Variants in FAM20A observed in about 807,000 individuals in gnomAD.
The protein encoded by FAM20A is pseudokinase FAM20A.
Under a neutral mutation model 52.0 loss-of-function variants are expected in FAM20A, and 42 were observed. The observed-to-expected ratio is 0.81, with a 90% confidence interval of 0.63 to 1.04. The LOEUF (loss-of-function observed/expected upper bound fraction) is 1.04. FAM20A is among the 50% of genes least tolerant of loss of function. The pLI, the probability that FAM20A is intolerant of heterozygous loss-of-function variation, is 0.00. For missense variants in FAM20A, 742 were observed against 712.7 expected (o/e 1.04, Z -0.47); for synonymous variants, 304 against 298.9 (o/e 1.02, Z -0.18).
chr17:68,589,053 G>T (rs902415370), intron 1 of FAM20A, among the ~76,000 whole-genome samples: 3 of 152,174 alleles, frequency 2.0e-5, no homozygotes, highest in African/African-American at 7.2e-5. Flanking sequence ...TTTGATTTAT[G>T]TTGGCCAACA....
Position 68,560,339 on chromosome 17 carries a change from A to G in FAM20A, c.405-4596T>C, listed in dbSNP as rs535959095. 3.8e-3 allele frequency among the ~76,000 whole-genome samples: 432 copies of G among 114,324 alleles called. 5 individuals are homozygous for G. The highest frequency in any genetic ancestry group is 0.017 in the African/African-American group (420 of 24,588). 75.0% of individuals were successfully genotyped at this position (114,324 alleles called of 152,430 possible). A position where few individuals can be genotyped will look rare whatever the true frequency, so the allele number is the denominator to read the frequency against. Reference sequence around the variant, plus strand: ...TGGCCTGGCGACAGAGCGAAACTCCATCTCAAAAAAAAAAAAAAAAAGAGA... The same window carrying G: ...TGGCCTGGCGACAGAGCGAAACTCCGTCTCAAAAAAAAAAAAAAAAAGAGA... On this transcript the variant is annotated intron_variant, in intron 1 of 10. Transcript: ENST00000592554.
chr17:68,535,319 A>G lies in FAM20A; in HGVS notation c.*2158T>C. On this transcript the variant is annotated 3_prime_UTR_variant, in exon 11 of 11. Coordinates refer to ENST00000592554, the MANE Select transcript of FAM20A (RefSeq NM_017565.4). ...GTACCACATATCATGGTGAAATTCAAGCCTATTGCTTTCTGTTTGTAGAGT... is the reference window on the plus strand; with the variant it reads ...GTACCACATATCATGGTGAAATTCAGGCCTATTGCTTTCTGTTTGTAGAGT... 1 of 454,144 alleles carries G rather than the reference A, an allele frequency of 2.2e-6. No homozygotes were observed. The allele number at this position is 454,144 out of a possible 1,614,324, so 28.1% of individuals were successfully genotyped here.
At chr17:68,571,721 C>G (rs1252839459) in intron 1 of FAM20A, among the ~76,000 whole-genome samples, 1 of 151,746 alleles carries the variant, frequency 6.6e-6, no homozygotes, top group Non-Finnish European at 1.5e-5. Flanking sequence ...TTGGAAGAAT[C>G]CTCCTTCATA....
intron 1 of FAM20A, among the ~76,000 whole-genome samples, chr17:68,593,911 A>C (rs2088376708): frequency 6.6e-6 from 1 of 152,200 alleles, no homozygotes; most frequent in African/African-American, 2.4e-5. Context: ...CACAGTGGGG[A>C]GAGGTATTCA....
rs1312537488 is a variant in FAM20A, at chr17:68,537,776, A to AGTT, written c.1362-36_1362-35insAAC. On this transcript the variant is annotated intron_variant, in intron 10 of 10. Coordinates refer to ENST00000592554, the MANE Select transcript of FAM20A (RefSeq NM_017565.4). The surrounding 1 kb of genome is among the most constrained non-coding windows in gnomAD (Gnocchi z 4.2). The stretch of plus-strand genomic sequence containing the variant: ...CAAAGTTACAGGAACCAAATAAGCA[A>AGTT]ATGTAAAGAAAATAACTTGCCTGAA... The AGTT allele has an allele frequency of 6.3e-7, 1 of 1,587,958 alleles. No individual in the cohort carries two copies. Among genetic ancestry groups the AGTT allele is most frequent in the Admixed American group, 1.8e-5 (1 of 56,418 alleles).
intron 7 of FAM20A, chr17:68,541,210 G>A (rs1017700245): frequency 2.0e-6 from 1 of 492,850 alleles, no homozygotes; most frequent in Non-Finnish European, 3.7e-6. Context: ...TGCCAGAGGG[G>A]AGAGGCCGGG....
chr17:68,567,572 A>G (rs2087412277), intron 1 of FAM20A, among the ~76,000 whole-genome samples: 1 of 151,910 alleles, frequency 6.6e-6, no homozygotes, highest in South Asian at 2.1e-4. Context: ...GAAAGTGAGG[A>G]CAGGGGAGGA....
chr17:68,549,516 G>T (rs1234943694), intron 4 of FAM20A, among the ~76,000 whole-genome samples: 1 of 151,670 alleles, frequency 6.6e-6, no homozygotes, highest in African/African-American at 2.4e-5. Flanking sequence ...AAAAGTTAGA[G>T]ACATCCTATT....
At chr17:68,539,520 G>T (rs1600516499) in intron 9 of FAM20A, 124 bp from the exon 10 acceptor site, 8 of 841,112 alleles carry the variant, frequency 9.5e-6, no homozygotes, top group Non-Finnish European at 1.6e-5. Flanking sequence ...GATCATGGCA[G>T]CTGCCTCTCC....
At chr17:68,573,683 CT>C (rs1415902307) in intron 1 of FAM20A, among the ~76,000 whole-genome samples, 1 of 140,300 alleles carries the variant, frequency 7.1e-6, no homozygotes, top group Non-Finnish European at 1.6e-5. Flanking sequence ...TTTCTTTTCT[CT>C]TTTTTTTTCT....
chr17:68,595,016 G>C (rs1381843082), intron 1 of FAM20A, among the ~76,000 whole-genome samples: 1 of 152,220 alleles, frequency 6.6e-6, no homozygotes, highest in Non-Finnish European at 1.5e-5. Context: ...ATCTTGGAAG[G>C]CTGTCTTGGA....
At chr17:68,581,406 C>CTTTCTTTCTTTCT (rs1555832124) in intron 1 of FAM20A, among the ~76,000 whole-genome samples, 1 of 141,764 alleles carries the variant, frequency 7.1e-6, no homozygotes, top group East Asian at 2.0e-4. Context: ...TTCTTTCTTT[C>CTTTCTTTCTTTCT]TTTCTTTCTT....
rs1336089780 is a variant in FAM20A at position 68,536,138 on chromosome 17, G to T, written c.*1339C>A. 1 of 454,132 alleles carries T rather than the reference G, an allele frequency of 2.2e-6. No homozygotes were observed. Among genetic ancestry groups the T allele is most frequent in the Admixed American group, 2.3e-5 (1 of 42,578 alleles). 28.1% of individuals were successfully genotyped at this position (454,132 alleles called of 1,614,324 possible). ...GTGGGGGTACCACGGGGTCAGAAGT[G>T]TTATTTGTCCAGTCGAGGCTATCTT... is the stretch of plus-strand genomic sequence containing the variant. On this transcript the variant is annotated 3_prime_UTR_variant, in exon 11 of 11. Transcript: ENST00000592554.
chr17:68,555,136 C>G (rs891994658), intron 2 of FAM20A, among the ~76,000 whole-genome samples: 49 of 152,214 alleles, frequency 3.2e-4, no homozygotes, highest in African/African-American at 1.2e-3. Context: ...TGCTTGACAG[C>G]ACAGACTTGG....
At chr17:68,581,759 A>G (rs1190841759) in intron 1 of FAM20A, among the ~76,000 whole-genome samples, 1 of 151,706 alleles carries the variant, frequency 6.6e-6, no homozygotes, top group East Asian at 1.9e-4. Flanking sequence ...TATTTTTAGT[A>G]GAGACAGGGT....
chr17:68,541,031 C>A, intron 7 of FAM20A, 73 bp from the exon 8 acceptor site: 1 of 1,545,746 alleles, frequency 6.5e-7, no homozygotes, highest in Non-Finnish European at 8.7e-7. Context: ...CCACACCTCC[C>A]CCTGCCCCCC....
chr17:68,568,914 G>C lies in FAM20A; in HGVS notation c.405-13171C>G, dbSNP rs2087460092. On this transcript the variant is annotated intron_variant, in intron 1 of 10. Coordinates refer to ENST00000592554, the MANE Select transcript of FAM20A (RefSeq NM_017565.4). ...GGATATATTTTGGGTAGGGGTGGGA[G>C]CAGGGGTGGGGAGTTTCTAACAGAA... Among the ~76,000 whole-genome samples, 2 of 151,664 alleles carry C rather than the reference G, an allele frequency of 1.3e-5. 1 individual carries two copies. The highest frequency in any genetic ancestry group is 4.9e-5 in the African/African-American group (2 of 41,058).
In FAM20A at chr17:68,540,878, A is replaced by G; in HGVS notation, c.1190T>C (p.Ile397Thr). ...YNNSQRLLNV[I>T]DMAIFDFLIG... Reference sequence around the variant, plus strand: ...CAAGAAGTCGAAGATGGCCATGTCGATGACATTGAGGAGCCGCTGGCTGTT... The same window carrying G: ...CAAGAAGTCGAAGATGGCCATGTCGGTGACATTGAGGAGCCGCTGGCTGTT... The change falls in exon 8 of 11, where the codon ATC becomes ACC. Residue 397 changes from isoleucine to threonine, a missense_variant. Ile to Thr is a moderately conservative substitution (Grantham distance 89, BLOSUM62 -1). Coordinates refer to ENST00000592554, the MANE Select transcript of FAM20A (RefSeq NM_017565.4). 1 of 1,604,584 alleles carries G rather than the reference A, an allele frequency of 6.2e-7. No individual in the cohort carries two copies. Among genetic ancestry groups the G allele is most frequent in the Non-Finnish European group, 8.5e-7 (1 of 1,175,576 alleles).
rs774044779 is a variant in FAM20A at position 68,600,497 on chromosome 17, G to A, written c.170C>T (p.Ser57Leu). The change falls in exon 1 of 11, where the codon TCG becomes TTG. Residue 57 changes from serine (S) to leucine (L), a missense_variant. Physicochemically the swap from Ser to Leu is moderately radical, Grantham distance 145. Coordinates refer to ENST00000592554, the MANE Select transcript of FAM20A (RefSeq NM_017565.4). This position sits in a 1 kb window ranked among gnomAD's most constrained non-coding sequence, Gnocchi z 6.2. ...TGRASSLARD[S>L]AAAASDPGTI... is the part of the protein sequence containing the mutation. ...GCCGGGGTCCGAGGCAGCTGCGGCC[G>A]AGTCCCGCGCCAGGGAGGAGGCGCG... is the stretch of plus-strand genomic sequence containing the variant. 2 of 1,592,526 alleles carry A rather than the reference G, an allele frequency of 1.3e-6. No individual in the cohort carries two copies. Among genetic ancestry groups the A allele is most frequent in the African/African-American group, 1.3e-5 (1 of 74,476 alleles).
Sources: allele counts gnomAD v4.1 joint callset (sites outside exome capture counted in the v4.1 genomes callset), GRCh38; gene constraint gnomAD v4.1.1; non-coding constraint Gnocchi (gnomAD v3.1); transcripts MANE v1.5; gene names NCBI Gene and HGNC (gene_info 2026-07-23, HGNC 2026-07-21).